Variants in RAI1 observed in about 807,000 individuals in gnomAD.
The protein encoded by RAI1 is retinoic acid induced 1, also known as retinoic acid-induced protein 1.
A neutral mutation model predicts 123.8 loss-of-function variants in RAI1; 9 were observed. The ratio of observed to expected loss-of-function variants is 0.07; its 90% CI spans 0.04 to 0.13. The LOEUF is 0.13. Ranked by LOEUF, RAI1 falls within the 10% of genes least tolerant of loss-of-function variation. The pLI is 1.00. For synonymous variants in RAI1, 1,231 were observed against 1,127.3 expected (o/e 1.09, Z -1.84); for missense variants, 2,256 against 2,545.8 (o/e 0.89, Z 2.45).
chr17:17,695,531 C>CTCTT (rs1555553034), intron 1 of RAI1, among the ~76,000 whole-genome samples: 1 of 145,466 alleles, frequency 6.9e-6, no homozygotes, highest in African/African-American at 2.5e-5. Context: ...TTCTCTCTCT[C>CTCTT]TTTTTTTTTT....
Position 17,793,878 on chromosome 17 carries a change from G to A in RAI1, c.930G>A (p.Lys310=), listed in dbSNP as rs368859160. ...QETLHYQNLA[K]YQHYGQQGQG... is the part of the protein sequence containing the mutation. ...CCCTCCATTACCAAAACCTCGCCAA[G>A]TATCAGCACTACGGGCAGCAAGGCC... The change falls in exon 3 of 6, where the codon AAG becomes AAA. Residue 310 remains lysine (K), a synonymous_variant. Coordinates refer to ENST00000353383, the MANE Select transcript of RAI1 (RefSeq NM_030665.4). 1 of 1,613,690 alleles carries A rather than the reference G, an allele frequency of 6.2e-7. No homozygotes were observed. The highest frequency in any genetic ancestry group is 8.5e-7 in the Non-Finnish European group (1 of 1,180,016).
Position 17,796,429 on chromosome 17 carries a change from C to T in RAI1, c.3481C>T (p.Arg1161Trp), listed in dbSNP as rs758124889. Residue 1161 changes from arginine (R) to tryptophan (W), a missense_variant, in exon 3 of 6, where the codon CGG (arginine) becomes TGG (tryptophan). Arg to Trp is a moderately radical substitution (Grantham distance 101). Coordinates refer to ENST00000353383, the MANE Select transcript of RAI1 (RefSeq NM_030665.4). This position sits in a 1 kb window ranked among gnomAD's most constrained non-coding sequence, Gnocchi z 5.8. ...CCAGGAGATCTTCCACTCCAAGCGG[C>T]GGAGGCCCTCTGAGGGCCGGCTCCC... is the stretch of plus-strand genomic sequence containing the variant. ...KTQEIFHSKR[R>W]RPSEGRLPNC... The T allele has an allele frequency of 1.5e-5, 25 of 1,613,276 alleles. No homozygotes were observed. Among genetic ancestry groups the T allele is most frequent in the Non-Finnish European group, 1.9e-5 (22 of 1,180,034 alleles).
In RAI1 at chr17:17,801,762, C is replaced by T. The variant is rs923937790; in HGVS notation, c.5566-1994C>T. Among the ~76,000 whole-genome samples, 1 of 152,206 alleles carries T rather than the reference C, an allele frequency of 6.6e-6. No individual in the cohort carries two copies. Among genetic ancestry groups the T allele is most frequent in the Non-Finnish European group, 1.5e-5 (1 of 68,034 alleles). ...GCTGTGGTTGGGATGGTGCGCCCAC[C>T]CTGAGCATGTGGGGTCCTGTGGGCC... On this transcript the variant is annotated intron_variant, in intron 3 of 5. Coordinates refer to ENST00000353383, the MANE Select transcript of RAI1 (RefSeq NM_030665.4). This position sits in a 1 kb window ranked among gnomAD's most constrained non-coding sequence, Gnocchi z 4.1.
chr17:17,752,956 G>A (rs912312933), intron 2 of RAI1, among the ~76,000 whole-genome samples: 3 of 152,246 alleles, frequency 2.0e-5, no homozygotes, highest in Admixed American at 1.3e-4. Context: ...GTTGTTGAAT[G>A]CCTCCATTCA....
rs200700889 is a variant in RAI1, at chr17:17,809,359, C to G, written c.5660-31C>G. 1.6e-5 allele frequency: 26 copies of G among 1,587,428 alleles called. No individual in the cohort carries two copies. The African/African-American group carries it at 3.1e-4, about 19-fold the overall frequency. ...CACAGCTGTGGGGCCCCCACCCTGT[C>G]CTAACCACCGAAACTTCTCTTTGGT... On this transcript the variant is annotated intron_variant, in intron 4 of 5. Transcript: ENST00000353383. This position sits in a 1 kb window ranked among gnomAD's most constrained non-coding sequence, Gnocchi z 4.9.
intron 2 of RAI1, among the ~76,000 whole-genome samples, chr17:17,760,906 G>T (rs2030666308): frequency 6.6e-6 from 1 of 152,232 alleles, no homozygotes; most frequent in South Asian, 2.1e-4. Flanking sequence ...CGTGCCTATA[G>T]GTGATGGGCG....
chr17:17,722,669 C>CAGTTCTCA (rs1915923355), intron 1 of RAI1, among the ~76,000 whole-genome samples: 1 of 152,228 alleles, frequency 6.6e-6, no homozygotes, highest in South Asian at 2.1e-4. Context: ...CCAGAATCAT[C>CAGTTCTCA]GAGTCTCAGT....
At chr17:17,700,057 C>T (rs144962919) in intron 1 of RAI1, among the ~76,000 whole-genome samples, 12 of 152,344 alleles carry the variant, frequency 7.9e-5, no homozygotes, top group African/African-American at 2.9e-4. Flanking sequence ...ATGCTAAATC[C>T]TTAAAACTCA....
chr17:17,758,306 C>T lies in RAI1; in HGVS notation c.-17+34147C>T, dbSNP rs144790892. 5.8e-3 allele frequency among the ~76,000 whole-genome samples: 877 copies of T among 152,266 alleles called. 9 individuals are homozygous for T. The highest frequency in any genetic ancestry group is 0.02 in the Middle Eastern group (6 of 294). Reference sequence around the variant, plus strand: ...GGATGGGCGGGGAGGGAGCCTTTGGCAGAGGAAATGGGTGGCTTACAGCTG... The same window carrying T: ...GGATGGGCGGGGAGGGAGCCTTTGGTAGAGGAAATGGGTGGCTTACAGCTG... On this transcript the variant is annotated intron_variant, in intron 2 of 5. Coordinates refer to ENST00000353383, the MANE Select transcript of RAI1 (RefSeq NM_030665.4).
Position 17,801,651 on chromosome 17 carries a change from C to G in RAI1, c.5566-2105C>G, listed in dbSNP as rs375161509. On this transcript the variant is annotated intron_variant, in intron 3 of 5. Transcript: ENST00000353383. This position sits in a 1 kb window ranked among gnomAD's most constrained non-coding sequence, Gnocchi z 4.1. ...GCGGGAAGGAGGCCTCAGCCCTGAGCTGAAAACCTGAAATTCTAGAATAAA... is the reference window on the plus strand; with the variant it reads ...GCGGGAAGGAGGCCTCAGCCCTGAGGTGAAAACCTGAAATTCTAGAATAAA... Among the ~76,000 whole-genome samples the G allele has an allele frequency of 1.1e-4, 17 of 152,342 alleles. No homozygotes were observed. The East Asian group carries it at 3.3e-3, about 29-fold the overall frequency.
chr17:17,802,322 C>A (rs920417034), intron 3 of RAI1, among the ~76,000 whole-genome samples: 1 of 152,250 alleles, frequency 6.6e-6, no homozygotes, highest in African/African-American at 2.4e-5. Context: ...GGGTGCAGGT[C>A]TCATCCTAGG....
chr17:17,794,233 G>A lies in RAI1; in HGVS notation c.1285G>A (p.Asp429Asn). Residue 429 changes from aspartate to asparagine, a missense_variant, in exon 3 of 6, where the codon GAT becomes AAT. Physicochemically the swap from Asp to Asn is conservative, Grantham distance 23 (BLOSUM62 1). This residue lies in a region of RAI1 where 357 missense variants were observed against 480.2 expected (regional missense o/e 0.74). Transcript: ENST00000353383. ...KDKLPENLLS[D>N]LSLQSLTALT... ...CAAGCTCCCTGAGAACCTGCTGTCG[G>A]ATCTCAGCCTGCAGAGCCTCACGGC... is the stretch of plus-strand genomic sequence containing the variant. The A allele has an allele frequency of 6.2e-7, 1 of 1,613,408 alleles. No homozygotes were observed. The highest frequency in any genetic ancestry group is 8.5e-7 in the Non-Finnish European group (1 of 1,180,044).
chr17:17,733,454 T>C (rs1034927430), intron 2 of RAI1, among the ~76,000 whole-genome samples: 11 of 152,180 alleles, frequency 7.2e-5, no homozygotes, highest in Admixed American at 1.3e-4. Flanking sequence ...CCAATCAGAT[T>C]CTGCTTGTTC....
Position 17,701,943 on chromosome 17 carries a change from C to T in RAI1, c.-149+20150C>T, listed in dbSNP as rs556990298. ...GGCTCTGCCCTCCAAGGACTCCAGT[C>T]GGGGAGGCAGCGCTCGAAAGGAATA... On this transcript the variant is annotated intron_variant, in intron 1 of 5. Coordinates refer to ENST00000353383, the MANE Select transcript of RAI1 (RefSeq NM_030665.4). 6.6e-5 allele frequency among the ~76,000 whole-genome samples: 10 copies of T among 152,314 alleles called. No homozygotes were observed. The East Asian group carries it at 1.2e-3, about 18-fold the overall frequency.
intron 2 of RAI1, among the ~76,000 whole-genome samples, chr17:17,726,350 A>G (rs1053532674): frequency 6.6e-6 from 1 of 152,190 alleles, no homozygotes; most frequent in Admixed American, 6.5e-5. Context: ...TGTCTGACCC[A>G]TAGGTTGGAC....
chr17:17,797,985 C>A lies in RAI1; in HGVS notation c.5037C>A (p.Ala1679=). 1 of 1,614,136 alleles carries A rather than the reference C, an allele frequency of 6.2e-7. No homozygotes were observed. Among genetic ancestry groups the A allele is most frequent in the Non-Finnish European group, 8.5e-7 (1 of 1,180,034 alleles). ...TMHLGPVVSK[A]LSTSCLVCCL... ...ACTTGGGGCCTGTGGTTTCCAAGGC[C>A]CTGAGTACCTCTTGCCTTGTTTGCT... The change falls in exon 3 of 6, where the codon GCC becomes GCA. Residue 1679 remains alanine (A), a synonymous_variant. Transcript: ENST00000353383.
intron 2 of RAI1, among the ~76,000 whole-genome samples, chr17:17,780,188 C>T (rs1015265810): frequency 6.6e-6 from 1 of 151,746 alleles, no homozygotes; most frequent in Non-Finnish European, 1.5e-5. Flanking sequence ...GCCTCAGCCT[C>T]CCGAGTAGCT....
intron 1 of RAI1, among the ~76,000 whole-genome samples, chr17:17,718,363 A>G (rs1915775138): frequency 6.6e-6 from 1 of 152,212 alleles, no homozygotes; most frequent in Admixed American, 6.5e-5. Flanking sequence ...CCCATCAGCT[A>G]AAATATCAAG....
chr17:17,745,021 G>C (rs958432982), intron 2 of RAI1, among the ~76,000 whole-genome samples: 8 of 152,114 alleles, frequency 5.3e-5, no homozygotes, highest in Non-Finnish European at 1.2e-4. Flanking sequence ...CAGTCCTGGT[G>C]GGGAGACTGA....
Sources: gnomAD v4.1 joint callset for allele counts (sites outside exome capture counted in the v4.1 genomes callset) on GRCh38, gnomAD v4.1.1 for gene constraint, gnomAD v4.1.1 regional missense constraint, Gnocchi (gnomAD v3.1) non-coding constraint, MANE v1.5 for transcripts, NCBI Gene and HGNC (gene_info 2026-07-23, HGNC 2026-07-21) for gene names.